EXOC4: variants seen among roughly 807,000 people sequenced by gnomAD.
EXOC4 encodes the protein exocyst complex component 4, also known as SEC8-like 1.
Under a neutral mutation model 107.2 loss-of-function variants are expected in EXOC4, and 71 were observed. That is an observed-to-expected ratio of 0.66 (90% confidence interval 0.55 to 0.81). The LOEUF (loss-of-function observed/expected upper bound fraction) is 0.81, where lower values mean the gene tolerates loss of function less well. Ranked by LOEUF, EXOC4 falls within the 30% of genes least tolerant of loss-of-function variation. The pLI, the probability that EXOC4 is intolerant of heterozygous loss-of-function variation, is 0.00. For synonymous variants in EXOC4, 456 were observed against 441.2 expected (o/e 1.03, Z -0.42); for missense variants, 1,108 against 1,189.6 (o/e 0.93, Z 1.01).
At chr7:133,857,735 C>T (rs1048165043) in intron 11 of EXOC4, among the ~76,000 whole-genome samples, 5 of 151,998 alleles carry the variant, frequency 3.3e-5, no homozygotes, top group Non-Finnish European at 7.4e-5. Context: ...TTGTGGGTGC[C>T]AGCATCTGGA....
intron 4 of EXOC4, among the ~76,000 whole-genome samples, chr7:133,312,892 G>A (rs889622885): frequency 6.6e-6 from 1 of 151,832 alleles, no homozygotes; most frequent in African/African-American, 2.4e-5. Context: ...GATAAAATTA[G>A]TAAAAAGTTG....
rs762780390 is a variant in EXOC4 at position 133,710,659 on chromosome 7, CAG to C, written c.1514+80520_1514+80521del. On this transcript the variant is annotated intron_variant, in intron 10 of 17. Transcript: ENST00000253861. The stretch of plus-strand genomic sequence containing the variant: ...TGGGCGACAGAGTGAGACTCTGTCT[CAG>C]AAAAAAAAAAAAAAAAAGTTGGTAG... 5.6e-4 allele frequency among the ~76,000 whole-genome samples: 18 copies of C among 32,300 alleles called. 4 individuals are homozygous for C. The highest frequency in any genetic ancestry group is 1.3e-3 in the East Asian group (2 of 1,594). The allele number at this position is 32,300 out of a possible 152,430, so 21.2% of individuals were successfully genotyped here.
At chr7:133,657,640 T>G (rs1475661600) in intron 10 of EXOC4, among the ~76,000 whole-genome samples, 4 of 152,030 alleles carry the variant, frequency 2.6e-5, no homozygotes, top group Non-Finnish European at 5.9e-5. Flanking sequence ...GATAATTGAG[T>G]TGGTTACGAA....
chr7:134,073,270 C>T, the EXOC4 span, among the ~76,000 whole-genome samples: 1 of 145,184 alleles, frequency 6.9e-6, no homozygotes, highest in Non-Finnish European at 1.5e-5. Context: ...AGGGTGGACC[C>T]AAGACTGTTA....
At chr7:133,501,325 C>A (rs543747620) in intron 9 of EXOC4, among the ~76,000 whole-genome samples, 2 of 152,062 alleles carry the variant, frequency 1.3e-5, no homozygotes, top group Non-Finnish European at 2.9e-5. Flanking sequence ...GTATCTGAAA[C>A]TGACAGACTG....
chr7:134,080,901 G>A, the EXOC4 span, among the ~76,000 whole-genome samples: 11 of 152,202 alleles, frequency 7.2e-5, no homozygotes, highest in East Asian at 3.9e-4. Context: ...AGCTATGATC[G>A]TGCTACTGCA....
At chr7:133,550,508 A>C (rs1176840376) in intron 9 of EXOC4, among the ~76,000 whole-genome samples, 1 of 152,222 alleles carries the variant, frequency 6.6e-6, no homozygotes, top group Non-Finnish European at 1.5e-5. Context: ...ATCTCAGAGC[A>C]AATCTAGCAT....
chr7:133,264,870 A>C (rs930329626), intron 1 of EXOC4, among the ~76,000 whole-genome samples: 1 of 152,128 alleles, frequency 6.6e-6, no homozygotes, highest in East Asian at 1.9e-4. Flanking sequence ...CTTTCACTCT[A>C]TTCATACTTA....
At chr7:133,674,185 T>A (rs375234407) in intron 10 of EXOC4, among the ~76,000 whole-genome samples, 3 of 152,214 alleles carry the variant, frequency 2.0e-5, no homozygotes, top group Admixed American at 6.5e-5. Context: ...GAAAGTAGTT[T>A]ATAGTCAAAA....
At chr7:133,954,712 C>G (rs541473557) in intron 14 of EXOC4, among the ~76,000 whole-genome samples, 1 of 152,230 alleles carries the variant, frequency 6.6e-6, no homozygotes, top group East Asian at 1.9e-4. Context: ...GCAGGCTGTG[C>G]TTGGCTTGGC....
At chr7:133,522,554 A>G (rs1397608528) in intron 9 of EXOC4, among the ~76,000 whole-genome samples, 1 of 152,124 alleles carries the variant, frequency 6.6e-6, no homozygotes, top group Non-Finnish European at 1.5e-5. Context: ...ATGAAAGCCA[A>G]ACTTGAAAAT....
At chr7:133,571,653 T>G (rs1801026048) in intron 9 of EXOC4, among the ~76,000 whole-genome samples, 1 of 145,908 alleles carries the variant, frequency 6.9e-6, no homozygotes. Context: ...CCAGCCTGGA[T>G]GACAGAGTGA....
chr7:134,077,526 A>G, the EXOC4 span, among the ~76,000 whole-genome samples: 1 of 152,192 alleles, frequency 6.6e-6, no homozygotes, highest in Non-Finnish European at 1.5e-5. Context: ...GACGAGAGAG[A>G]CCTCAGGTTG....
intron 9 of EXOC4, among the ~76,000 whole-genome samples, chr7:133,494,726 T>C (rs1799440245): frequency 6.6e-6 from 1 of 152,220 alleles, no homozygotes; most frequent in Non-Finnish European, 1.5e-5. Context: ...GTCTAACTTA[T>C]TCTAACCAAT....
intron 11 of EXOC4, among the ~76,000 whole-genome samples, chr7:133,862,098 A>G (rs1346685775): frequency 6.6e-6 from 1 of 151,946 alleles, no homozygotes; most frequent in African/African-American, 2.4e-5. Flanking sequence ...GAGCATTCCC[A>G]TAAAGCCGTA....
chr7:133,733,881 CT>C (rs1795383213), intron 10 of EXOC4, among the ~76,000 whole-genome samples: 1 of 152,112 alleles, frequency 6.6e-6, no homozygotes, highest in Non-Finnish European at 1.5e-5. Context: ...ATTCTTCACC[CT>C]TCATTTCTAA....
At chr7:133,304,971 C>T (rs147531334) in intron 3 of EXOC4, among the ~76,000 whole-genome samples, 77 of 152,184 alleles carry the variant, frequency 5.1e-4, no homozygotes, top group African/African-American at 1.7e-3. Context: ...CTAGAGTATG[C>T]TCTTTAAGTT....
intron 7 of EXOC4, among the ~76,000 whole-genome samples, chr7:133,458,587 G>C (rs1798517311): frequency 6.6e-6 from 1 of 152,138 alleles, no homozygotes; most frequent in African/African-American, 2.4e-5. Context: ...AGATCTCTCT[G>C]TAAAGGCATT....
chr7:134,009,956 C>T (rs1401116944), intron 17 of EXOC4: 1 of 152,168 alleles, frequency 6.6e-6, no homozygotes, highest in Non-Finnish European at 1.5e-5. Context: ...GTCCCAACCA[C>T]GCCTTGCCTT....
Sources: gnomAD v4.1 joint callset for allele counts (sites outside exome capture counted in the v4.1 genomes callset) on GRCh38, gnomAD v4.1.1 for gene constraint, MANE v1.5 for transcripts, NCBI Gene and HGNC (gene_info 2026-07-23, HGNC 2026-07-21) for gene names.